The following TP63 variants were observed in gnomAD, a reference collection of about 807,000 sequenced individuals.
TP63 encodes tumor protein p63.
A neutral mutation model predicts 82.8 loss-of-function variants in TP63; 17 were observed. The ratio of observed to expected loss-of-function variants is 0.21; its 90% confidence interval spans 0.14 to 0.31. The LOEUF (loss-of-function observed/expected upper bound fraction) is 0.31, where lower values mean the gene tolerates loss of function less well. TP63 is among the 10% of genes least tolerant of loss of function. The pLI, the probability that TP63 is intolerant of heterozygous loss-of-function variation, is 1.00. For synonymous variants in TP63, 330 were observed against 321.7 expected (o/e 1.03, Z -0.28); for missense variants, 648 against 895.3 (o/e 0.72, Z 3.52).
chr3:189,805,655 T>C (rs1303006979), intron 3 of TP63, among the ~76,000 whole-genome samples: 1 of 151,978 alleles, frequency 6.6e-6, no homozygotes, highest in African/African-American at 2.4e-5. Flanking sequence ...CCAGGAGAAA[T>C]AGGAAGGAAG....
Position 189,896,415 on chromosome 3 carries a change from A to G in TP63, c.*1913A>G, listed in dbSNP as rs181220329. On this transcript the variant is annotated 3_prime_UTR_variant, in exon 14 of 14. Coordinates refer to ENST00000264731, the MANE Select transcript of TP63 (RefSeq NM_003722.5). ...ACATCAAATAAGAAATAATGCTACAATTTTAAGAGGGGAGGGAAGGGAAAG... is the reference window on the plus strand; with the variant it reads ...ACATCAAATAAGAAATAATGCTACAGTTTTAAGAGGGGAGGGAAGGGAAAG... 8.0e-5 allele frequency: 16 copies of G among 199,384 alleles called. No homozygotes were observed. Among genetic ancestry groups the G allele is most frequent in the Non-Finnish European group, 1.2e-4 (12 of 96,372 alleles). 12.4% of individuals were successfully genotyped at this position (199,384 alleles called of 1,614,324 possible).
chr3:189,706,001 T>A (rs1718168161), intron 1 of TP63, among the ~76,000 whole-genome samples: 1 of 152,186 alleles, frequency 6.6e-6, no homozygotes, highest in Non-Finnish European at 1.5e-5. Flanking sequence ...AATTCTGTAG[T>A]GCCCATGCAT....
At chr3:189,840,276 T>C (rs1713794634) in intron 4 of TP63, among the ~76,000 whole-genome samples, 4 of 150,894 alleles carry the variant, frequency 2.7e-5, no homozygotes, top group South Asian at 2.1e-4. Context: ...ACGTCTACCA[T>C]AATTCAGTCT....
intron 3 of TP63, among the ~76,000 whole-genome samples, chr3:189,803,631 G>A (rs1342007664): frequency 6.6e-6 from 1 of 152,182 alleles, no homozygotes; most frequent in Admixed American, 6.5e-5. Flanking sequence ...TGATTGCAGG[G>A]AATATGTCGA....
At chr3:189,666,707 C>G (rs1714419732) in intron 1 of TP63, among the ~76,000 whole-genome samples, 1 of 152,060 alleles carries the variant, frequency 6.6e-6, no homozygotes. Context: ...TGAAAGGTAG[C>G]TGAAGAAACT....
chr3:189,659,846 A>T (rs1190354836), intron 1 of TP63, among the ~76,000 whole-genome samples: 1 of 152,008 alleles, frequency 6.6e-6, no homozygotes, highest in Non-Finnish European at 1.5e-5. Flanking sequence ...GGCCACTTGT[A>T]TGTCTTCTTT....
At chr3:189,717,608 G>A (rs749612168) in intron 1 of TP63, among the ~76,000 whole-genome samples, 5 of 152,092 alleles carry the variant, frequency 3.3e-5, no homozygotes, top group Non-Finnish European at 5.9e-5. Context: ...TCTGAAATTA[G>A]GATTGTAGAC....
chr3:189,605,043 G>T, the TP63 span, among the ~76,000 whole-genome samples: 1 of 152,104 alleles, frequency 6.6e-6, no homozygotes, highest in Non-Finnish European at 1.5e-5. Context: ...CCCACTGAGG[G>T]TCTCAGAGCT....
At chr3:189,742,130 C>T (rs1363366803) in intron 3 of TP63, among the ~76,000 whole-genome samples, 1 of 138,362 alleles carries the variant, frequency 7.2e-6, no homozygotes, top group Non-Finnish European at 1.6e-5. Flanking sequence ...GTAGTCCCAG[C>T]TACTCAGGAG....
rs184364201 is a variant in TP63 at position 189,671,664 on chromosome 3, A to G, written c.62+40087A>G. 7.2e-4 allele frequency among the ~76,000 whole-genome samples: 109 copies of G among 152,268 alleles called. 3 individuals carry two copies. Among genetic ancestry groups the G allele is most frequent in the Admixed American group, 7.1e-3 (109 of 15,280 alleles). ...AATGTCCATCAATGGATGAATGAAT[A>G]AAGAACTTATGATACATATACACAA... On this transcript the variant is annotated intron_variant, in intron 1 of 13. Transcript: ENST00000264731.
the TP63 span, among the ~76,000 whole-genome samples, chr3:189,612,544 TG>T: frequency 6.6e-6 from 1 of 152,086 alleles, no homozygotes; most frequent in African/African-American, 2.4e-5. Context: ...AGCGTGAAAA[TG>T]AACTAATACA....
chr3:189,839,510 A>G (rs1043109322), intron 4 of TP63, among the ~76,000 whole-genome samples: 8 of 151,774 alleles, frequency 5.3e-5, no homozygotes, highest in African/African-American at 1.7e-4. Context: ...TTTTATTTCA[A>G]TCTCCCTCCC....
At chr3:189,743,411 T>C (rs1036689320) in intron 3 of TP63, among the ~76,000 whole-genome samples, 3 of 152,194 alleles carry the variant, frequency 2.0e-5, no homozygotes, top group Non-Finnish European at 4.4e-5. Context: ...CTAATTTATT[T>C]AATTTTAAAG....
chr3:189,742,008 C>T (rs146783742), intron 3 of TP63, among the ~76,000 whole-genome samples: 7,488 of 151,964 alleles, frequency 0.049, 356 homozygotes, highest in East Asian at 0.26. Flanking sequence ...TTTGGGAGGC[C>T]GAGGTGTGTG....
At chr3:189,757,662 T>C (rs1577359055) in intron 3 of TP63, among the ~76,000 whole-genome samples, 2 of 152,158 alleles carry the variant, frequency 1.3e-5, no homozygotes. Flanking sequence ...AAATATGATA[T>C]TATTTGAAGA....
At chr3:189,685,119 G>A (rs1163388890) in intron 1 of TP63, among the ~76,000 whole-genome samples, 1 of 152,110 alleles carries the variant, frequency 6.6e-6, no homozygotes, top group Non-Finnish European at 1.5e-5. Flanking sequence ...AAACGAATAT[G>A]AGAGTATTCT....
intron 1 of TP63, among the ~76,000 whole-genome samples, chr3:189,633,716 T>C (rs1238964423): frequency 6.6e-6 from 1 of 152,114 alleles, no homozygotes; most frequent in Non-Finnish European, 1.5e-5. Flanking sequence ...CAGGGAGCAA[T>C]TATTTGCCTA....
chr3:189,725,547 C>G (rs972500331), intron 1 of TP63, among the ~76,000 whole-genome samples: 1 of 151,942 alleles, frequency 6.6e-6, no homozygotes, highest in Non-Finnish European at 1.5e-5. Context: ...ATTTTACTAC[C>G]AAGAGTTGGA....
chr3:189,876,739 GT>G (rs1182244411), intron 10 of TP63, among the ~76,000 whole-genome samples: 1 of 152,096 alleles, frequency 6.6e-6, no homozygotes, highest in East Asian at 1.9e-4. Flanking sequence ...CTTCAGCTGA[GT>G]TTTTTTAGCT....
Sources: allele counts gnomAD v4.1 joint callset (sites outside exome capture counted in the v4.1 genomes callset), GRCh38; gene constraint gnomAD v4.1.1; transcripts MANE v1.5; gene names NCBI Gene and HGNC (gene_info 2026-07-23, HGNC 2026-07-21).